TRAF6: variants seen among roughly 807,000 people sequenced by gnomAD.
TRAF6 encodes the protein TNF receptor associated factor 6, also known as TNF receptor-associated factor 6.
Under a neutral mutation model 48.4 loss-of-function variants are expected in TRAF6, and 10 were observed. The ratio of observed to expected loss-of-function variants is 0.21; its 90% CI spans 0.13 to 0.35. The LOEUF (loss-of-function observed/expected upper bound fraction) is 0.35, where lower values mean the gene tolerates loss of function less well. Among genes scored for constraint, TRAF6 ranks in the 10% least tolerant of loss-of-function variants. The pLI is 1.00. For synonymous variants in TRAF6, 186 were observed against 219.6 expected, an observed-to-expected ratio of 0.85 and a Z score of 1.35; for missense variants, 397 against 661.0, an observed-to-expected ratio of 0.60 and a Z score of 4.38.
chr11:36,506,149 C>A (rs201497879), intron 1 of TRAF6, among the ~76,000 whole-genome samples: 3 of 141,094 alleles, frequency 2.1e-5, no homozygotes, highest in African/African-American at 7.9e-5. Flanking sequence ...AAAAAAAAAA[C>A]AAAAAAGTAT....
At chr11:36,498,422 G>T in intron 3 of TRAF6, 68 bp downstream of exon 3, 1 of 1,463,016 alleles carries the variant, frequency 6.8e-7, no homozygotes, top group Non-Finnish European at 9.3e-7. Flanking sequence ...GATGGACACA[G>T]CAAAGTCCCT....
At position 36,492,578 on chromosome 11, in the gene TRAF6, T is replaced by C; in HGVS notation, c.729A>G (p.Thr243=). Reference sequence around the variant, plus strand: ...TTTCATGGCAACCAAAAGTACTGAATGTGCATGGAATTGGGGCTGTAGGGC... The same window carrying C: ...TTTCATGGCAACCAAAAGTACTGAACGTGCATGGAATTGGGGCTGTAGGGC... ...LDCPTAPIPC[T]FSTFGCHEKM... Residue 243 remains threonine (T), a synonymous_variant, in exon 6 of 7, where the codon ACA becomes ACG. Transcript: ENST00000526995. The C allele has an allele frequency of 6.2e-7, 1 of 1,611,440 alleles. No homozygotes were observed. Among genetic ancestry groups the C allele is most frequent in the Non-Finnish European group, 8.5e-7 (1 of 1,179,370 alleles).
rs150094272 is a variant in TRAF6, at chr11:36,504,452, A to G, written c.-22-2915T>C. Among the ~76,000 whole-genome samples, 551 of 152,266 alleles carry G rather than the reference A, an allele frequency of 3.6e-3. 5 individuals carry two copies. Among genetic ancestry groups the G allele is most frequent in the African/African-American group, 0.012 (513 of 41,546 alleles). ...TAAGAAGCAACTCCTCATCTGTTCA[A>G]GTTTTTTACCATGAGACTGCAGAAA... On this transcript the variant is annotated intron_variant, in intron 1 of 6. Coordinates refer to ENST00000526995, the MANE Select transcript of TRAF6 (RefSeq NM_004620.4).
At chr11:36,502,006 ATGT>A (rs1169796108) in intron 1 of TRAF6, among the ~76,000 whole-genome samples, 1 of 152,194 alleles carries the variant, frequency 6.6e-6, no homozygotes, top group Non-Finnish European at 1.5e-5. Context: ...GAACTTATCC[ATGT>A]TGTTGAAGTT....
chr11:36,498,709 C>T (rs1351272921), intron 2 of TRAF6, 69 bp from the exon 3 acceptor site: 4 of 1,460,108 alleles, frequency 2.7e-6, no homozygotes, highest in Non-Finnish European at 3.7e-6. Context: ...AACTTTAATT[C>T]ACCATATATA....
At position 36,492,585 on chromosome 11, in the gene TRAF6, G is replaced by T; in HGVS notation, c.722C>A (p.Pro241Gln). 6.2e-7 allele frequency: 1 copy of T among 1,611,760 alleles called. No homozygotes were observed. The highest frequency in any genetic ancestry group is 8.5e-7 in the Non-Finnish European group (1 of 1,179,462). Residue 241 changes from proline to glutamine, a missense_variant, in exon 6 of 7, where the codon CCA becomes CAA. Physicochemically the swap from Pro to Gln is moderately conservative, Grantham distance 76. This residue lies in a region of TRAF6 where 245 missense variants were observed against 349.1 expected (regional missense o/e 0.70). Coordinates refer to ENST00000526995, the MANE Select transcript of TRAF6 (RefSeq NM_004620.4). ...GCAACCAAAAGTACTGAATGTGCAT[G>T]GAATTGGGGCTGTAGGGCAGTCTAG... The part of the protein sequence containing the change: ...YDLDCPTAPI[P>Q]CTFSTFGCHE...
chr11:36,490,742 G>T lies in TRAF6; in HGVS notation c.757-92C>A. The stretch of plus-strand genomic sequence containing the variant: ...AGGTCAAATAAGAAGTTTTCAAGTA[G>T]TCACACCACTTCCCTCAATTCTCTA... On this transcript the variant is annotated intron_variant, in intron 6 of 6. Coordinates refer to ENST00000526995, the MANE Select transcript of TRAF6 (RefSeq NM_004620.4). This position sits in a 1 kb window ranked among gnomAD's most constrained non-coding sequence, Gnocchi z 6.4. 9.1e-7 allele frequency: 1 copy of T among 1,104,474 alleles called. No individual in the cohort carries two copies. Among genetic ancestry groups the T allele is most frequent in the Non-Finnish European group, 1.3e-6 (1 of 774,390 alleles). The allele number at this position is 1,104,474 out of a possible 1,614,324, so 68.4% of individuals were successfully genotyped here.
intron 4 of TRAF6, 23 bp downstream of exon 4, chr11:36,497,085 A>G (rs1485399452): frequency 6.2e-7 from 1 of 1,607,760 alleles, no homozygotes; most frequent in Non-Finnish European, 8.5e-7. Flanking sequence ...TAGTGAATTT[A>G]ACAAATCCAA....
chr11:36,499,008 C>G (rs973653934), intron 2 of TRAF6, among the ~76,000 whole-genome samples: 2 of 152,290 alleles, frequency 1.3e-5, no homozygotes, highest in Admixed American at 1.3e-4. Context: ...ATATAATACA[C>G]TAGAAAGATG....
intron 1 of TRAF6, among the ~76,000 whole-genome samples, chr11:36,507,044 G>A (rs969547382): frequency 4.0e-5 from 6 of 150,936 alleles, no homozygotes; most frequent in Non-Finnish European, 5.9e-5. Flanking sequence ...CTAACACTAA[G>A]AGAAGAACAA....
rs774315372 is a variant in TRAF6 at position 36,490,810 on chromosome 11, G to A, written c.757-160C>T. 2.6e-5 allele frequency among the ~76,000 whole-genome samples: 4 copies of A among 152,238 alleles called. No individual in the cohort carries two copies. Among genetic ancestry groups the A allele is most frequent in the African/African-American group, 7.2e-5 (3 of 41,530 alleles). ...CAACAGATTCTTGATCCAATGAGGC[G>A]ACTCTGCCTCTTAGTTCACTGAAAA... On this transcript the variant is annotated intron_variant, in intron 6 of 6. Coordinates refer to ENST00000526995, the MANE Select transcript of TRAF6 (RefSeq NM_004620.4). This position sits in a 1 kb window ranked among gnomAD's most constrained non-coding sequence, Gnocchi z 6.4.
chr11:36,509,360 T>C (rs907000984), intron 1 of TRAF6, among the ~76,000 whole-genome samples: 1 of 151,876 alleles, frequency 6.6e-6, no homozygotes, highest in African/African-American at 2.4e-5. Flanking sequence ...CAACCCGGCG[T>C]CTGGAACAAT....
At chr11:36,495,384 C>G (rs1859616437) in intron 4 of TRAF6, among the ~76,000 whole-genome samples, 1 of 152,138 alleles carries the variant, frequency 6.6e-6, no homozygotes, top group South Asian at 2.1e-4. Context: ...GGTAATCTTA[C>G]AAAAATTTTC....
Position 36,497,121 on chromosome 11 carries a change from A to T in TRAF6, c.593T>A (p.Phe198Tyr). The stretch of plus-strand genomic sequence containing the variant: ...GTTAGTACATGCCTCTTTATCTTCA[A>T]ATGCCATTGATGCAGCACAGTTGTC... ...SCDNCAASMA[F>Y]EDKEIHDQNC... The change falls in exon 4 of 7, where the codon TTT becomes TAT. Residue 198 changes from phenylalanine to tyrosine, a missense_variant. Physicochemically the swap from Phe to Tyr is conservative, Grantham distance 22. Transcript: ENST00000526995. 1 of 1,613,062 alleles carries T rather than the reference A, an allele frequency of 6.2e-7. No homozygotes were observed. Among genetic ancestry groups the T allele is most frequent in the Non-Finnish European group, 8.5e-7 (1 of 1,179,718 alleles).
At chr11:36,500,809 T>C (rs1859705648) in intron 2 of TRAF6, among the ~76,000 whole-genome samples, 1 of 152,112 alleles carries the variant, frequency 6.6e-6, no homozygotes, top group Non-Finnish European at 1.5e-5. Context: ...TAAACAAGAT[T>C]TAACATGCCT....
At chr11:36,493,353 C>T (rs984866445) in intron 5 of TRAF6, among the ~76,000 whole-genome samples, 1 of 152,094 alleles carries the variant, frequency 6.6e-6, no homozygotes, top group Non-Finnish European at 1.5e-5. Flanking sequence ...TATTATAATT[C>T]AATCCTTCAT....
chr11:36,502,056 T>C (rs1479443330), intron 1 of TRAF6, among the ~76,000 whole-genome samples: 2 of 152,244 alleles, frequency 1.3e-5, no homozygotes, highest in Non-Finnish European at 2.9e-5. Flanking sequence ...ATAGTATGGC[T>C]AGCAGCTCAG....
chr11:36,498,976 T>C (rs528671930), intron 2 of TRAF6, among the ~76,000 whole-genome samples: 11 of 152,358 alleles, frequency 7.2e-5, no homozygotes, highest in Admixed American at 3.3e-4. Flanking sequence ...TTTGGCAGTC[T>C]GGCCTCTGTG....
In TRAF6 at chr11:36,490,878, A is replaced by C. The variant is rs988082933; in HGVS notation, c.757-228T>G. On this transcript the variant is annotated intron_variant, in intron 6 of 6. Transcript: ENST00000526995. This position sits in a 1 kb window ranked among gnomAD's most constrained non-coding sequence, Gnocchi z 6.4. ...TACTCTCCCAGCTTTCACTCACATA[A>C]ATCTCCCTCCCACCTACAAAAAATG... Among the ~76,000 whole-genome samples the C allele has an allele frequency of 5.7e-4, 86 of 152,024 alleles. No homozygotes were observed. The highest frequency in any genetic ancestry group is 1.8e-3 in the African/African-American group (75 of 41,382).
Sources: gnomAD v4.1 joint callset for allele counts (sites outside exome capture counted in the v4.1 genomes callset) on GRCh38, gnomAD v4.1.1 for gene constraint, gnomAD v4.1.1 regional missense constraint, Gnocchi (gnomAD v3.1) non-coding constraint, MANE v1.5 for transcripts, NCBI Gene and HGNC (gene_info 2026-07-23, HGNC 2026-07-21) for gene names.